PTPRB: variants seen among roughly 807,000 people sequenced by gnomAD.
PTPRB encodes the protein protein tyrosine phosphatase receptor type B, also known as receptor-type tyrosine-protein phosphatase beta.
Under a neutral mutation model 238.1 loss-of-function variants are expected in PTPRB, and 97 were observed. That is an observed-to-expected ratio of 0.41 (90% CI 0.35 to 0.48). The LOEUF (loss-of-function observed/expected upper bound fraction) is 0.48. Ranked by LOEUF, PTPRB falls within the 20% of genes least tolerant of loss-of-function variation. PTPRB has a pLI of 0.30. For synonymous variants in PTPRB, 970 were observed against 995.4 expected, an observed-to-expected ratio of 0.97 and a Z score of 0.48; for missense variants, 2,292 against 2,681.9, an observed-to-expected ratio of 0.85 and a Z score of 3.21.
chr12:70,589,849 T>C (rs1882292454), intron 8 of PTPRB, 115 bp downstream of exon 8: 2 of 1,062,312 alleles, frequency 1.9e-6, no homozygotes. Context: ...CCTTAATATC[T>C]CAAATTCAGA....
chr12:70,631,214 C>T (rs1161732990), intron 2 of PTPRB, among the ~76,000 whole-genome samples: 2 of 152,196 alleles, frequency 1.3e-5, no homozygotes, highest in African/African-American at 4.8e-5. Context: ...CAGCATGGTA[C>T]TGGTACCAAA....
intron 21 of PTPRB, among the ~76,000 whole-genome samples, chr12:70,550,889 C>CT (rs34266218): frequency 1.7e-4 from 25 of 148,890 alleles, no homozygotes; most frequent in South Asian, 6.4e-4. Context: ...TCTCTTGAAT[C>CT]TTTTTTTTTT....
chr12:70,540,472 T>C (rs1053350452), intron 23 of PTPRB: 6 of 203,826 alleles, frequency 2.9e-5, no homozygotes, highest in African/African-American at 1.2e-4. Context: ...AACTACAAAA[T>C]GGTGATGTCA....
rs138588486 is a variant in PTPRB at position 70,614,518 on chromosome 12, C to T, written c.709-5179G>A. On this transcript the variant is annotated intron_variant, in intron 3 of 33. Transcript: ENST00000334414. The stretch of plus-strand genomic sequence containing the variant: ...TAAGTGAGATCGCACCACTGCATTC[C>T]AGCCTGGGTGACAGAGTGAGACTCC... Among the ~76,000 whole-genome samples, 793 of 152,114 alleles carry T rather than the reference C, an allele frequency of 5.2e-3. 8 individuals are homozygous for T. The highest frequency in any genetic ancestry group is 0.018 in the African/African-American group (742 of 41,490).
At chr12:70,545,691 G>C (rs777137412) in intron 21 of PTPRB, among the ~76,000 whole-genome samples, 1 of 152,168 alleles carries the variant, frequency 6.6e-6, no homozygotes, top group African/African-American at 2.4e-5. Context: ...CCCTGGCCAG[G>C]AGCCCTGGCA....
intron 31 of PTPRB, among the ~76,000 whole-genome samples, chr12:70,532,793 AACTACT>A (rs1873491620): frequency 6.6e-6 from 1 of 151,850 alleles, no homozygotes; most frequent in Non-Finnish European, 1.5e-5. Context: ...AGGCATGTGT[AACTACT>A]CCCAGCTAAT....
At chr12:70,569,445 T>C (rs973981915) in intron 14 of PTPRB, among the ~76,000 whole-genome samples, 3 of 152,224 alleles carry the variant, frequency 2.0e-5, no homozygotes, top group Admixed American at 6.5e-5. Flanking sequence ...TTAGCAAGTA[T>C]AAAAATGTGT....
intron 2 of PTPRB, 39 bp from the exon 3 acceptor site, chr12:70,622,685 T>A: frequency 1.3e-6 from 2 of 1,505,818 alleles, no homozygotes; most frequent in South Asian, 1.3e-5. Flanking sequence ...ATTATTCTCA[T>A]GTTTTATGAA....
At chr12:70,550,070 G>A (rs1400428942) in intron 21 of PTPRB, among the ~76,000 whole-genome samples, 1 of 152,198 alleles carries the variant, frequency 6.6e-6, no homozygotes, top group Non-Finnish European at 1.5e-5. Flanking sequence ...TCGATAAAGG[G>A]TTAAAAGCCA....
chr12:70,556,741 TAAAGAA>T (rs1042394460), intron 18 of PTPRB, among the ~76,000 whole-genome samples: 6 of 151,936 alleles, frequency 3.9e-5, no homozygotes, highest in African/African-American at 1.5e-4. Context: ...AAATCAAAGA[TAAAGAA>T]AAATTCCTGA....
intron 2 of PTPRB, among the ~76,000 whole-genome samples, chr12:70,632,354 C>T (rs1309780288): frequency 1.3e-5 from 2 of 151,844 alleles, no homozygotes; most frequent in African/African-American, 4.8e-5. Flanking sequence ...CCGCGTGTAC[C>T]ACTCATAGGT....
At chr12:70,569,384 G>A (rs753529161) in intron 14 of PTPRB, among the ~76,000 whole-genome samples, 2 of 152,140 alleles carry the variant, frequency 1.3e-5, no homozygotes, top group African/African-American at 2.4e-5. Flanking sequence ...GATTACAGGC[G>A]TGAGCTACTG....
chr12:70,572,097 A>C lies in PTPRB; in HGVS notation c.2843-10T>G. 6.3e-7 allele frequency: 1 copy of C among 1,596,054 alleles called. No individual in the cohort carries two copies. Among genetic ancestry groups the C allele is most frequent in the South Asian group, 1.1e-5 (1 of 88,418 alleles). ...TGGACTTTGTCAGGCACTGAAAAGG[A>C]AACAGAGAGTAACTAAATATTTATG... On this transcript the variant is annotated splice_polypyrimidine_tract_variant and intron_variant, in intron 11 of 33. Transcript: ENST00000334414.
At chr12:70,598,499 A>T (rs1883216064) in intron 4 of PTPRB, among the ~76,000 whole-genome samples, 1 of 151,020 alleles carries the variant, frequency 6.6e-6, no homozygotes, top group African/African-American at 2.4e-5. Context: ...TGGGCAAGCT[A>T]TTTAACCTGT....
rs774021538 is a variant in PTPRB at position 70,534,932 on chromosome 12, T to A, written c.6105A>T (p.Pro2035=). ...CATAGTAGAGGGAATCCTGGTCCGC[T>A]GGCCAGTAATGATCACACTTTACCT... ...KGRVKCDHYW[P]ADQDSLYYGD... The change falls in exon 30 of 34, where the codon CCA becomes CCT. Residue 2035 remains proline (P), a synonymous_variant. Coordinates refer to ENST00000334414, the MANE Select transcript of PTPRB (RefSeq NM_001109754.4). 1 of 1,613,760 alleles carries A rather than the reference T, an allele frequency of 6.2e-7. No homozygotes were observed. Among genetic ancestry groups the A allele is most frequent in the Admixed American group, 1.7e-5 (1 of 60,008 alleles).
rs982609783 is a variant in PTPRB at position 70,635,446 on chromosome 12, A to T, written c.451+225T>A. ...AAGCAAGACAAGAAGGGAAGGAAGA[A>T]AAAGCAATAGAAAAAGTTGGGCTTA... On this transcript the variant is annotated intron_variant, in intron 2 of 33. Transcript: ENST00000334414. 2.0e-5 allele frequency among the ~76,000 whole-genome samples: 3 copies of T among 152,226 alleles called. No homozygotes were observed. The South Asian group carries it at 6.2e-4, about 31-fold the overall frequency.
intron 15 of PTPRB, among the ~76,000 whole-genome samples, chr12:70,564,659 C>T (rs1488104438): frequency 6.6e-6 from 1 of 151,662 alleles, no homozygotes; most frequent in Admixed American, 6.6e-5. Flanking sequence ...TGGAGAAACC[C>T]TGTGTCTACA....
chr12:70,625,241 T>A (rs1008787169), intron 2 of PTPRB, among the ~76,000 whole-genome samples: 1 of 152,138 alleles, frequency 6.6e-6, no homozygotes, highest in Admixed American at 6.6e-5. Context: ...CTTCCAAGTT[T>A]TGTCAAATTT....
Position 70,538,958 on chromosome 12 carries a change from A to G in PTPRB, c.5835T>C (p.Asn1945=), listed in dbSNP as rs147227602. The G allele has an allele frequency of 6.2e-6, 10 of 1,613,734 alleles. No individual in the cohort carries two copies. Among genetic ancestry groups the G allele is most frequent in the Middle Eastern group, 1.6e-4 (1 of 6,062 alleles). ...TATTGTTGTATCGATTTTTCCCTCTATTCTCCGGCAAGAGTGCAATGTCAC... is the reference window on the plus strand; with the variant it reads ...TATTGTTGTATCGATTTTTCCCTCTGTTCTCCGGCAAGAGTGCAATGTCAC... ...QSCDIALLPE[N]RGKNRYNNIL... Residue 1945 remains asparagine, a synonymous_variant, in exon 27 of 34, where the codon AAT becomes AAC. Transcript: ENST00000334414.
Sources: allele counts gnomAD v4.1 joint callset (sites outside exome capture counted in the v4.1 genomes callset), GRCh38; gene constraint gnomAD v4.1.1; transcripts MANE v1.5; gene names NCBI Gene and HGNC (gene_info 2026-07-23, HGNC 2026-07-21).